The following ANKHD1 variants were observed in gnomAD, a reference collection of about 807,000 sequenced individuals.
The protein encoded by ANKHD1 is ankyrin repeat and KH domain-containing protein 1.
In ANKHD1, 31 loss-of-function variants were observed where a neutral mutation model predicts 230.5. The ratio of observed to expected loss-of-function variants is 0.13; its 90% CI spans 0.10 to 0.18. The LOEUF (loss-of-function observed/expected upper bound fraction) is 0.18, where lower values mean the gene tolerates loss of function less well. ANKHD1 is among the 10% of genes least tolerant of loss of function. The pLI is 1.00. For missense variants in ANKHD1, 2,256 were observed against 3,071.3 expected, an observed-to-expected ratio of 0.73 and a Z score of 6.27; for synonymous variants, 1,074 against 1,117.6, an observed-to-expected ratio of 0.96 and a Z score of 0.78.
intron 24 of ANKHD1, among the ~76,000 whole-genome samples, chr5:140,514,188 A>C (rs796170010): frequency 1.2e-5 from 1 of 85,496 alleles, no homozygotes; most frequent in East Asian, 4.3e-4. Flanking sequence ...TCTCTCTATT[A>C]AAAAAAAAAA....
At chr5:140,454,808 GAAGT>G (rs1775034764) in intron 7 of ANKHD1, among the ~76,000 whole-genome samples, 1 of 152,044 alleles carries the variant, frequency 6.6e-6, no homozygotes, top group African/African-American at 2.4e-5. Flanking sequence ...AAGAACTAGA[GAAGT>G]AAGAGCAAAC....
intron 1 of ANKHD1, among the ~76,000 whole-genome samples, chr5:140,411,018 T>A (rs1770880609): frequency 6.6e-6 from 1 of 152,188 alleles, no homozygotes; most frequent in Admixed American, 6.6e-5. Flanking sequence ...AATTAAGAAA[T>A]ATGTAGTTTT....
chr5:140,414,370 G>A (rs1771183564), intron 1 of ANKHD1, among the ~76,000 whole-genome samples: 1 of 152,068 alleles, frequency 6.6e-6, no homozygotes, highest in Admixed American at 6.6e-5. Context: ...ATTTATGTTT[G>A]TTTTTTGATA....
At position 140,496,834 on chromosome 5, in the gene ANKHD1, A is replaced by C; in HGVS notation, c.2560A>C (p.Thr854Pro). ...QLQMKTQQQF[T>P]KEYLETKGQK... The stretch of plus-strand genomic sequence containing the variant: ...GCAGATGAAAACACAGCAGCAATTT[A>C]CCAAAGAATACTTGGAAACCAAAGG... Residue 854 changes from threonine (T) to proline (P), a missense_variant, in exon 15 of 34, where the codon ACC becomes CCC. Thr to Pro is a conservative substitution (Grantham distance 38, BLOSUM62 -1). Around this residue, in one of 13 missense-constraint regions of ANKHD1, gnomAD observed 358 missense variants for 397.7 expected, o/e 0.90. Transcript: ENST00000360839. 1 of 1,614,146 alleles carries C rather than the reference A, an allele frequency of 6.2e-7. No individual in the cohort carries two copies. The highest frequency in any genetic ancestry group is 2.2e-5 in the East Asian group (1 of 44,882).
intron 1 of ANKHD1, among the ~76,000 whole-genome samples, chr5:140,427,672 CG>C (rs1772622277): frequency 6.8e-6 from 1 of 147,974 alleles, no homozygotes; most frequent in Admixed American, 6.7e-5. Context: ...CCCTCCCGGA[CG>C]GGGCGGCCGG....
At chr5:140,459,825 TCTTAA>T (rs1036556668) in intron 9 of ANKHD1, among the ~76,000 whole-genome samples, 12 of 152,186 alleles carry the variant, frequency 7.9e-5, no homozygotes, top group Non-Finnish European at 1.2e-4. Context: ...TATATTGCTT[TCTTAA>T]CTTTAACAAT....
intron 7 of ANKHD1, among the ~76,000 whole-genome samples, chr5:140,457,603 A>C (rs1775304376): frequency 1.3e-5 from 2 of 152,226 alleles, no homozygotes; most frequent in Admixed American, 1.3e-4. Flanking sequence ...CTATCACAAG[A>C]ACAAAAAACC....
chr5:140,472,327 T>C, intron 10 of ANKHD1: 1 of 1,612,002 alleles, frequency 6.2e-7, no homozygotes, highest in Non-Finnish European at 8.5e-7. Context: ...TGTAAGCTAC[T>C]ACGTAAAGAA....
intron 7 of ANKHD1, among the ~76,000 whole-genome samples, chr5:140,455,090 A>G (rs546368085): frequency 1.5e-3 from 234 of 152,330 alleles, no homozygotes; most frequent in African/African-American, 5.3e-3. Context: ...AAACACCTCT[A>G]TGCAAATAAA....
chr5:140,449,585 C>T (rs1774545778), intron 7 of ANKHD1, among the ~76,000 whole-genome samples: 1 of 151,862 alleles, frequency 6.6e-6, no homozygotes, highest in Non-Finnish European at 1.5e-5. Context: ...TCGCTTGAAC[C>T]CGGGAGATGG....
chr5:140,437,119 TA>T (rs1378160289), intron 2 of ANKHD1, among the ~76,000 whole-genome samples: 1 of 152,202 alleles, frequency 6.6e-6, no homozygotes. Flanking sequence ...GAAGTAGGAA[TA>T]ATACACAAAA....
chr5:140,505,603 C>T, intron 17 of ANKHD1, 121 bp from the exon 18 acceptor site: 2 of 1,381,194 alleles, frequency 1.4e-6, no homozygotes, highest in Non-Finnish European at 1.9e-6. Flanking sequence ...TTTATGTTAA[C>T]TCATTATCAG....
At chr5:140,477,086 C>T (rs1431927151) in intron 10 of ANKHD1, among the ~76,000 whole-genome samples, 1 of 151,934 alleles carries the variant, frequency 6.6e-6, no homozygotes, top group African/African-American at 2.4e-5. Context: ...GGAGACAAAC[C>T]TAAAGCAAAG....
intron 1 of ANKHD1, among the ~76,000 whole-genome samples, chr5:140,432,007 G>A (rs1773083255): frequency 1.3e-5 from 2 of 152,028 alleles, no homozygotes; most frequent in Non-Finnish European, 2.9e-5. Context: ...CTTTTATATG[G>A]TCTACTCAAA....
intron 15 of ANKHD1, among the ~76,000 whole-genome samples, chr5:140,500,648 CAAAAA>C (rs376975917): frequency 8.9e-5 from 7 of 78,746 alleles, no homozygotes; most frequent in African/African-American, 2.9e-4. Context: ...GACTCTGTCT[CAAAAA>C]AAAAAAAAAA....
chr5:140,452,413 G>A (rs1774821125), intron 7 of ANKHD1, among the ~76,000 whole-genome samples: 1 of 152,208 alleles, frequency 6.6e-6, no homozygotes. Context: ...AGAATGGACA[G>A]ACTGCCTCCT....
At chr5:140,457,514 C>T (rs1775293628) in intron 7 of ANKHD1, among the ~76,000 whole-genome samples, 1 of 152,122 alleles carries the variant, frequency 6.6e-6, no homozygotes, top group East Asian at 1.9e-4. Context: ...CCATGGAATA[C>T]TATGCAGCCA....
intron 15 of ANKHD1, among the ~76,000 whole-genome samples, chr5:140,500,629 A>G (rs1752247370): frequency 7.1e-6 from 1 of 140,448 alleles, no homozygotes; most frequent in Non-Finnish European, 1.5e-5. Flanking sequence ...GCATGGGGCA[A>G]CAGAGCGAGA....
At chr5:140,486,372 A>G (rs75691367) in intron 13 of ANKHD1, among the ~76,000 whole-genome samples, 2 of 151,988 alleles carry the variant, frequency 1.3e-5, no homozygotes, top group Admixed American at 1.3e-4. Flanking sequence ...CCGAGAAAGC[A>G]TTTTCTTAAT....
Sources: gnomAD v4.1 joint callset for allele counts (sites outside exome capture counted in the v4.1 genomes callset) on GRCh38, gnomAD v4.1.1 for gene constraint, gnomAD v4.1.1 regional missense constraint, MANE v1.5 for transcripts, NCBI Gene and HGNC (gene_info 2026-07-23, HGNC 2026-07-21) for gene names.